GRID2: variants seen among roughly 807,000 people sequenced by gnomAD.
The protein encoded by GRID2 is glutamate ionotropic receptor delta type subunit 2, also known as glutamate receptor ionotropic, delta-2.
Under a neutral mutation model 114.8 loss-of-function variants are expected in GRID2, and 33 were observed. The ratio of observed to expected loss-of-function variants is 0.29; its 90% CI spans 0.22 to 0.38. GRID2 has a LOEUF of 0.38. Ranked by LOEUF, GRID2 falls within the 10% of genes least tolerant of loss-of-function variation. The pLI is 1.00. For missense variants in GRID2, 1,184 were observed against 1,257.7 expected (o/e 0.94, Z 0.89); for synonymous variants, 505 against 449.9 (o/e 1.12, Z -1.55).
chr4:92,510,315 T>G (rs1724182531), intron 1 of GRID2, among the ~76,000 whole-genome samples: 1 of 151,878 alleles, frequency 6.6e-6, no homozygotes, highest in African/African-American at 2.4e-5. Flanking sequence ...ATGAGGAAGA[T>G]GAGGAGCTCG....
In GRID2 at chr4:93,237,369, T is replaced by G. The variant is rs368460605; in HGVS notation, c.1126-1002T>G. Among the ~76,000 whole-genome samples, 29 of 151,976 alleles carry G rather than the reference T, an allele frequency of 1.9e-4. 1 individual carries two copies. The South Asian group carries it at 6.0e-3, about 32-fold the overall frequency. On this transcript the variant is annotated intron_variant, in intron 7 of 15. Coordinates refer to ENST00000282020, the MANE Select transcript of GRID2 (RefSeq NM_001510.4). ...TCATCATGAACTTTGCATCAGGTGA[T>G]TGGGCTACAAGGCACAAATGAAGTA...
chr4:92,773,234 C>CA (rs1738622717), intron 2 of GRID2, among the ~76,000 whole-genome samples: 1 of 152,180 alleles, frequency 6.6e-6, no homozygotes, highest in Non-Finnish European at 1.5e-5. Context: ...CTTTAATTCC[C>CA]TCTGAAATGC....
intron 2 of GRID2, among the ~76,000 whole-genome samples, chr4:92,695,114 A>G (rs993357809): frequency 6.6e-6 from 1 of 151,820 alleles, no homozygotes; most frequent in Non-Finnish European, 1.5e-5. Context: ...ATACAGGTGC[A>G]CACTACCACA....
intron 2 of GRID2, among the ~76,000 whole-genome samples, chr4:92,994,541 C>T (rs554107384): frequency 1.4e-4 from 21 of 152,226 alleles, no homozygotes; most frequent in African/African-American, 4.6e-4. Flanking sequence ...CCAGGCTGCT[C>T]TTGAACTGCT....
chr4:93,417,755 C>T (rs1198061957), intron 9 of GRID2, among the ~76,000 whole-genome samples: 1 of 151,830 alleles, frequency 6.6e-6, no homozygotes, highest in African/African-American at 2.4e-5. Flanking sequence ...TTCTCTTAAA[C>T]ATTCATTCAT....
At chr4:93,614,917 T>A (rs1266308821) in intron 13 of GRID2, among the ~76,000 whole-genome samples, 1 of 152,212 alleles carries the variant, frequency 6.6e-6, no homozygotes, top group Non-Finnish European at 1.5e-5. Flanking sequence ...ACAATTTTAC[T>A]CTTTCTTCTC....
chr4:92,497,578 A>C (rs939675622), intron 1 of GRID2, among the ~76,000 whole-genome samples: 1 of 151,948 alleles, frequency 6.6e-6, no homozygotes, highest in Non-Finnish European at 1.5e-5. Context: ...AAGGCTTTAC[A>C]TGTAAGACAT....
At chr4:92,969,755 T>C (rs1322600229) in intron 2 of GRID2, among the ~76,000 whole-genome samples, 1 of 151,834 alleles carries the variant, frequency 6.6e-6, no homozygotes, top group East Asian at 1.9e-4. Flanking sequence ...AAAAATTGTT[T>C]TCTCTAGTGA....
chr4:93,264,776 AT>A lies in GRID2; in HGVS notation c.1245+26287del, dbSNP rs1750634642. 2.9e-5 allele frequency among the ~76,000 whole-genome samples: 4 copies of A among 140,188 alleles called. No homozygotes were observed. The Admixed American group carries it at 2.9e-4, about 10-fold the overall frequency. 92.0% of individuals were successfully genotyped at this position (140,188 alleles called of 152,430 possible). On this transcript the variant is annotated intron_variant, in intron 8 of 15. Transcript: ENST00000282020. ...TTGAATGATATATATATATATATAA[AT>A]ATATATAATATATATTTATTTTTTG... is the stretch of plus-strand genomic sequence containing the variant.
intron 8 of GRID2, among the ~76,000 whole-genome samples, chr4:93,320,158 A>G (rs572597080): frequency 6.6e-6 from 1 of 152,286 alleles, no homozygotes; most frequent in South Asian, 2.1e-4. Flanking sequence ...TAAGTCTTAA[A>G]TCAATTGTTA....
chr4:93,767,250 G>C (rs1344303685), intron 14 of GRID2, among the ~76,000 whole-genome samples: 3 of 152,130 alleles, frequency 2.0e-5, no homozygotes, highest in Non-Finnish European at 4.4e-5. Flanking sequence ...AAATTCCCAA[G>C]AGTGTGTTTC....
intron 3 of GRID2, among the ~76,000 whole-genome samples, chr4:93,089,980 T>C (rs777903959): frequency 2.0e-5 from 3 of 152,110 alleles, no homozygotes; most frequent in Non-Finnish European, 2.9e-5. Context: ...GGGGAATCCA[T>C]GTGTCTTGTT....
At chr4:92,996,592 A>T (rs1755213522) in intron 2 of GRID2, among the ~76,000 whole-genome samples, 1 of 152,142 alleles carries the variant, frequency 6.6e-6, no homozygotes, top group Non-Finnish European at 1.5e-5. Flanking sequence ...GATGTGCTGA[A>T]AATCCTCATT....
chr4:92,857,141 C>A (rs138330370), intron 2 of GRID2, among the ~76,000 whole-genome samples: 1 of 152,142 alleles, frequency 6.6e-6, no homozygotes, highest in African/African-American at 2.4e-5. Flanking sequence ...ATTCCCCTCC[C>A]GCTCCTCAAG....
intron 2 of GRID2, among the ~76,000 whole-genome samples, chr4:93,021,405 ATTT>A (rs1045999164): frequency 1.3e-5 from 2 of 150,122 alleles, no homozygotes; most frequent in African/African-American, 4.8e-5. Context: ...TAATAGAGTT[ATTT>A]AACATATTTC....
In GRID2 at chr4:92,776,874, A is replaced by G. The variant is rs187918738; in HGVS notation, c.244+186588A>G. On this transcript the variant is annotated intron_variant, in intron 2 of 15. Coordinates refer to ENST00000282020, the MANE Select transcript of GRID2 (RefSeq NM_001510.4). ...GTATGCCCCTGATAAGAACTAAAGA[A>G]ATGCTTTTTCTGATCCCTGGAGAAT... is the stretch of plus-strand genomic sequence containing the variant. Among the ~76,000 whole-genome samples, 3 of 152,198 alleles carry G rather than the reference A, an allele frequency of 2.0e-5. No homozygotes were observed. The East Asian group carries it at 5.8e-4, about 29-fold the overall frequency.
At chr4:93,131,605 T>TA (rs5860307) in intron 4 of GRID2, among the ~76,000 whole-genome samples, 81,437 of 150,660 alleles carry the variant, frequency 0.54, 23,438 homozygotes, top group African/African-American at 0.71. Context: ...TTAAAAATTT[T>TA]ATTTAAATTT....
At chr4:93,078,624 TATAAA>T (rs1729556857) in intron 2 of GRID2, among the ~76,000 whole-genome samples, 1 of 148,338 alleles carries the variant, frequency 6.7e-6, no homozygotes, top group Non-Finnish European at 1.5e-5. Flanking sequence ...ATTGAAAAAT[TATAAA>T]GTAAATATGC....
At chr4:93,697,293 C>A (rs113424519) in intron 14 of GRID2, among the ~76,000 whole-genome samples, 25 of 152,208 alleles carry the variant, frequency 1.6e-4, no homozygotes, top group African/African-American at 6.0e-4. Flanking sequence ...AGTTTGTGGG[C>A]TCTTAGAATC....
Sources: allele counts gnomAD v4.1 joint callset (sites outside exome capture counted in the v4.1 genomes callset), GRCh38; gene constraint gnomAD v4.1.1; transcripts MANE v1.5; gene names NCBI Gene and HGNC (gene_info 2026-07-23, HGNC 2026-07-21).